Variants in DCAF8L2 observed in about 807,000 individuals in gnomAD.
DCAF8L2 encodes DDB1 and CUL4 associated factor 8 like 2.
For synonymous variants in DCAF8L2, 200 were observed against 190.9 expected (o/e 1.05, Z -0.39); for missense variants, 430 against 490.7 (o/e 0.88, Z 1.17).
the DCAF8L2 span, among the ~76,000 whole-genome samples, chrX:27,474,680 A>G: frequency 8.9e-6 from 1 of 112,337 alleles, no homozygotes; most frequent in Middle Eastern, 4.6e-3. Context: ...CTGAATAGCA[A>G]CAAAAAATGT....
At chrX:27,517,790 C>T in the DCAF8L2 span, 11 of 1,130,603 alleles carry the variant, frequency 9.7e-6, no homozygotes, top group African/African-American at 1.8e-4. Flanking sequence ...CTCATCGATA[C>T]ACAGGTTTGT....
rs1186519798 is a variant in DCAF8L2 at position 27,707,997 on chromosome X, C to A, written c.-142-8091C>A. ...GTTTCACATTTCTTATTTTATTTTACTTTATTTAAAATATTCTACTTTTAT... is the reference window on the plus strand; with the variant it reads ...GTTTCACATTTCTTATTTTATTTTAATTTATTTAAAATATTCTACTTTTAT... On this transcript the variant is annotated intron_variant, in intron 3 of 4. Transcript: ENST00000451261. Among the ~76,000 whole-genome samples, 37 of 111,014 alleles carry A rather than the reference C, an allele frequency of 3.3e-4. No individual in the cohort carries two copies. In the Admixed American group the frequency reaches 3.6e-3, roughly 11 times the overall value.
chrX:27,531,172 T>C, the DCAF8L2 span, among the ~76,000 whole-genome samples: 2 of 111,960 alleles, frequency 1.8e-5, no homozygotes, highest in South Asian at 3.7e-4. Flanking sequence ...AGACGTTTAA[T>C]TGGCTCGCAG....
intron 2 of DCAF8L2, among the ~76,000 whole-genome samples, chrX:27,644,634 C>G (rs1408421084): frequency 9.0e-6 from 1 of 111,528 alleles, no homozygotes; most frequent in African/African-American, 3.3e-5. Flanking sequence ...GAAGAGGAGG[C>G]TGGAAACCAA....
intron 3 of DCAF8L2, among the ~76,000 whole-genome samples, chrX:27,715,871 T>C (rs188886648): frequency 1.2e-3 from 133 of 112,299 alleles, no homozygotes; most frequent in African/African-American, 4.3e-3. Context: ...TTCTTCAGAA[T>C]GGATATAAAT....
intron 2 of DCAF8L2, 162 bp downstream of exon 2, chrX:27,632,162 T>C (rs1005611753): frequency 1.6e-4 from 18 of 112,164 alleles, no homozygotes; most frequent in African/African-American, 5.5e-4. Flanking sequence ...AGGGAAGCTT[T>C]TCTTAATTGT....
At chrX:27,610,370 T>C (rs1927098966) in intron 1 of DCAF8L2, among the ~76,000 whole-genome samples, 1 of 110,255 alleles carries the variant, frequency 9.1e-6, no homozygotes, top group African/African-American at 3.3e-5. Context: ...CAGGACTGGA[T>C]GTGTGTATAT....
chrX:27,471,919 C>T, the DCAF8L2 span, among the ~76,000 whole-genome samples: 2 of 111,358 alleles, frequency 1.8e-5, no homozygotes, highest in East Asian at 5.6e-4. Flanking sequence ...ATAAAAAATT[C>T]AATTCCTCCT....
chrX:27,601,473 G>A (rs1350835644), intron 1 of DCAF8L2, among the ~76,000 whole-genome samples: 1 of 112,024 alleles, frequency 8.9e-6, no homozygotes, highest in Non-Finnish European at 1.9e-5. Flanking sequence ...GCCGAGGCGG[G>A]TGGATTGCTT....
At chrX:27,544,524 C>T in the DCAF8L2 span, among the ~76,000 whole-genome samples, 1 of 111,728 alleles carries the variant, frequency 9.0e-6, no homozygotes, top group South Asian at 3.7e-4. Flanking sequence ...CATCTTTAAA[C>T]ACTGTATGAA....
intron 3 of DCAF8L2, among the ~76,000 whole-genome samples, chrX:27,711,176 T>C (rs1931514000): frequency 9.0e-6 from 1 of 110,881 alleles, no homozygotes; most frequent in Non-Finnish European, 1.9e-5. Context: ...CCCTCCTTAG[T>C]CAGGTTGTAT....
intron 3 of DCAF8L2, among the ~76,000 whole-genome samples, chrX:27,678,923 C>T (rs959401354): frequency 9.0e-6 from 1 of 111,421 alleles, no homozygotes; most frequent in Non-Finnish European, 1.9e-5. Flanking sequence ...AAAGTGTCAT[C>T]ATTGTGTTTA....
At chrX:27,559,024 G>T in the DCAF8L2 span, among the ~76,000 whole-genome samples, 1 of 110,668 alleles carries the variant, frequency 9.0e-6, no homozygotes, top group African/African-American at 3.3e-5. Context: ...GAAGTGATTA[G>T]ATCATGGATC....
the DCAF8L2 span, among the ~76,000 whole-genome samples, chrX:27,532,694 T>TCCAGA: frequency 9.1e-6 from 1 of 109,720 alleles, no homozygotes; most frequent in Non-Finnish European, 1.9e-5. Context: ...GCCCAGGAGT[T>TCCAGA]CCAGACCAGC....
intron 2 of DCAF8L2, among the ~76,000 whole-genome samples, chrX:27,642,146 G>A (rs1295507112): frequency 9.1e-6 from 1 of 110,350 alleles, no homozygotes; most frequent in African/African-American, 3.3e-5. Flanking sequence ...GCCCACCTCG[G>A]CCTCCCAAAG....
chrX:27,646,649 A>C (rs948194450), intron 2 of DCAF8L2, among the ~76,000 whole-genome samples: 2 of 111,556 alleles, frequency 1.8e-5, no homozygotes, highest in East Asian at 5.6e-4. Context: ...AAATTTTTGC[A>C]ATCTATCCAT....
the DCAF8L2 span, among the ~76,000 whole-genome samples, chrX:27,574,157 A>G: frequency 9.0e-6 from 1 of 110,847 alleles, no homozygotes; most frequent in Non-Finnish European, 1.9e-5. Context: ...TGAGGAGCCA[A>G]TAGGTTGGTA....
the DCAF8L2 span, among the ~76,000 whole-genome samples, chrX:27,567,344 T>C: frequency 1.8e-5 from 2 of 108,350 alleles, no homozygotes; most frequent in African/African-American, 6.7e-5. Context: ...CCTACTATTA[T>C]TTTGTTGCTG....
At chrX:27,701,039 T>C (rs73196139) in intron 3 of DCAF8L2, among the ~76,000 whole-genome samples, 37 of 111,332 alleles carry the variant, frequency 3.3e-4, no homozygotes, top group Middle Eastern at 4.6e-3. Flanking sequence ...ATATTCTCAA[T>C]TTCTCATCCT....
Sources: allele counts gnomAD v4.1 joint callset (sites outside exome capture counted in the v4.1 genomes callset), GRCh38; gene constraint gnomAD v4.1.1; transcripts MANE v1.5; gene names NCBI Gene and HGNC (gene_info 2026-07-23, HGNC 2026-07-21).